KIAA0825: variants seen among roughly 807,000 people sequenced by gnomAD.
The protein encoded by KIAA0825 is KIAA0825.
Under a neutral mutation model 147.6 loss-of-function variants are expected in KIAA0825, and 119 were observed. The ratio of observed to expected loss-of-function variants is 0.81; its 90% CI spans 0.69 to 0.94. The LOEUF (loss-of-function observed/expected upper bound fraction) is 0.94, where lower values mean the gene tolerates loss of function less well. KIAA0825 is among the 40% of genes least tolerant of loss of function. The pLI is 0.00. For missense variants in KIAA0825, 1,381 were observed against 1,472.7 expected (o/e 0.94, Z 1.02); for synonymous variants, 470 against 518.1 (o/e 0.91, Z 1.26).
chr5:94,472,487 T>G (rs1357451007), intron 8 of KIAA0825, among the ~76,000 whole-genome samples: 1 of 152,226 alleles, frequency 6.6e-6, no homozygotes, highest in African/African-American at 2.4e-5. Flanking sequence ...GGCTCACGCC[T>G]GTAATCCCAG....
intron 3 of KIAA0825, among the ~76,000 whole-genome samples, chr5:94,525,906 G>T (rs1361137371): frequency 6.6e-6 from 1 of 151,886 alleles, no homozygotes; most frequent in Non-Finnish European, 1.5e-5. Context: ...TGCATTTCAG[G>T]GGATCTCCCT....
Position 94,581,564 on chromosome 5 carries a change from T to A in KIAA0825, c.-2+869A>T, listed in dbSNP as rs1309796689. 3.3e-5 allele frequency among the ~76,000 whole-genome samples: 5 copies of A among 152,320 alleles called. No individual in the cohort carries two copies. The East Asian group carries it at 9.6e-4, about 29-fold the overall frequency. ...AAATCAGTCTGTTATACTCCTAATT[T>A]AAAAAACAGTTCTAATGTGAAATCG... On this transcript the variant is annotated intron_variant, in intron 2 of 20. Coordinates refer to ENST00000682413, the MANE Select transcript of KIAA0825 (RefSeq NM_001145678.3).
chr5:94,418,878 C>G (rs75522870), intron 14 of KIAA0825, among the ~76,000 whole-genome samples: 1 of 151,782 alleles, frequency 6.6e-6, no homozygotes, highest in East Asian at 1.9e-4. Context: ...GCCCTCCCAC[C>G]CCCTTTTATT....
intron 5 of KIAA0825, among the ~76,000 whole-genome samples, chr5:94,500,895 A>G (rs1229931996): frequency 1.3e-5 from 2 of 152,048 alleles, no homozygotes; most frequent in African/African-American, 4.8e-5. Flanking sequence ...CCCCTGCCTC[A>G]GTCTCCCTAG....
chr5:94,425,052 G>A (rs1466045731), intron 14 of KIAA0825, among the ~76,000 whole-genome samples: 1 of 152,078 alleles, frequency 6.6e-6, no homozygotes, highest in Non-Finnish European at 1.5e-5. Flanking sequence ...GCCAAATTCT[G>A]CCAAACTTTC....
intron 20 of KIAA0825, among the ~76,000 whole-genome samples, chr5:94,246,093 G>A (rs1232816414): frequency 6.6e-6 from 1 of 152,060 alleles, no homozygotes; most frequent in Non-Finnish European, 1.5e-5. Flanking sequence ...CTCCCATATA[G>A]ATTAAAAACA....
At chr5:94,438,232 A>AT (rs980461260) in intron 14 of KIAA0825, among the ~76,000 whole-genome samples, 1 of 152,206 alleles carries the variant, frequency 6.6e-6, no homozygotes, top group Non-Finnish European at 1.5e-5. Context: ...GTAAGTAATA[A>AT]TTATCTTCAA....
In KIAA0825 at chr5:94,358,116, C is replaced by T. The variant is rs544567588; in HGVS notation, c.3710+26252G>A. 2.6e-5 allele frequency among the ~76,000 whole-genome samples: 4 copies of T among 152,270 alleles called. No individual in the cohort carries two copies. In the East Asian group the frequency reaches 7.7e-4, roughly 29 times the overall value. On this transcript the variant is annotated intron_variant, in intron 20 of 20. Transcript: ENST00000682413. ...TATTATCTATAAATGTTTAATCAAA[C>T]TGTGGCATTTTAAAGTCTTGTTTCA...
intron 1 of KIAA0825, among the ~76,000 whole-genome samples, chr5:94,583,144 T>C (rs1782549706): frequency 1.3e-5 from 2 of 152,098 alleles, no homozygotes; most frequent in African/African-American, 4.8e-5. Context: ...CCAACTGAAG[T>C]ACCTGGTTCA....
intron 20 of KIAA0825, among the ~76,000 whole-genome samples, chr5:94,267,345 T>C (rs1776778963): frequency 1.3e-5 from 2 of 151,914 alleles, no homozygotes; most frequent in South Asian, 4.1e-4. Context: ...AATCAACATA[T>C]TTATTGAGCA....
intron 2 of KIAA0825, among the ~76,000 whole-genome samples, chr5:94,576,260 G>A (rs1437897713): frequency 2.6e-5 from 4 of 152,172 alleles, no homozygotes; most frequent in Non-Finnish European, 1.5e-5. Flanking sequence ...AGTGTATCAT[G>A]TTGCTATGGT....
intron 5 of KIAA0825, among the ~76,000 whole-genome samples, chr5:94,492,115 T>G (rs2151078235): frequency 6.6e-6 from 1 of 152,338 alleles, no homozygotes; most frequent in Non-Finnish European, 1.5e-5. Context: ...TCTCTGTCTT[T>G]CCCCACTTCT....
At chr5:94,425,481 A>C (rs1421544694) in intron 14 of KIAA0825, among the ~76,000 whole-genome samples, 2 of 152,112 alleles carry the variant, frequency 1.3e-5, no homozygotes, top group African/African-American at 4.8e-5. Flanking sequence ...GCTCATGTCT[A>C]TAATGCCAAA....
intron 14 of KIAA0825, among the ~76,000 whole-genome samples, chr5:94,436,888 G>A (rs774049188): frequency 2.6e-5 from 4 of 152,096 alleles, no homozygotes; most frequent in Non-Finnish European, 4.4e-5. Context: ...TGGCAGTTGT[G>A]AATGGAAGTC....
intron 2 of KIAA0825, among the ~76,000 whole-genome samples, chr5:94,566,931 A>T (rs571341694): frequency 2.6e-5 from 4 of 152,304 alleles, no homozygotes; most frequent in African/African-American, 9.6e-5. Flanking sequence ...TTGACCAAAA[A>T]TTTTAAAAGA....
intron 20 of KIAA0825, among the ~76,000 whole-genome samples, chr5:94,219,393 G>A (rs1394210359): frequency 6.6e-6 from 1 of 152,098 alleles, no homozygotes; most frequent in South Asian, 2.1e-4. Context: ...GTGTGGCCTG[G>A]TCCCCAAGAG....
chr5:94,551,565 A>T (rs542769987), intron 2 of KIAA0825, among the ~76,000 whole-genome samples: 2 of 152,252 alleles, frequency 1.3e-5, no homozygotes, highest in African/African-American at 2.4e-5. Flanking sequence ...ATAATATATT[A>T]AAAATATTGA....
intron 20 of KIAA0825, among the ~76,000 whole-genome samples, chr5:94,224,382 C>T (rs1230076094): frequency 6.6e-6 from 1 of 151,824 alleles, no homozygotes; most frequent in East Asian, 1.9e-4. Context: ...AGGTGTGAGC[C>T]ATTGTCCCTT....
At chr5:94,440,601 C>T (rs1013373066) in intron 13 of KIAA0825, among the ~76,000 whole-genome samples, 8 of 152,002 alleles carry the variant, frequency 5.3e-5, no homozygotes, top group Non-Finnish European at 1.2e-4. Flanking sequence ...AAGGGTCAAC[C>T]GTAATCTAAT....
Sources: allele counts gnomAD v4.1 joint callset (sites outside exome capture counted in the v4.1 genomes callset), GRCh38; gene constraint gnomAD v4.1.1; transcripts MANE v1.5; gene names NCBI Gene and HGNC (gene_info 2026-07-23, HGNC 2026-07-21).